The following PRKAG1 variants were observed in gnomAD, a reference collection of about 807,000 sequenced individuals.
The protein encoded by PRKAG1 is protein kinase AMP-activated non-catalytic subunit gamma 1.
In PRKAG1, 27 loss-of-function variants were observed where a neutral mutation model predicts 48.2. The observed-to-expected ratio is 0.56, with a 90% CI of 0.41 to 0.77. PRKAG1 has a LOEUF of 0.77. PRKAG1 is among the 30% of genes least tolerant of loss of function. The pLI is 0.00. For missense variants in PRKAG1, 287 were observed against 398.3 expected, an observed-to-expected ratio of 0.72 and a Z score of 2.38; for synonymous variants, 130 against 147.7, an observed-to-expected ratio of 0.88 and a Z score of 0.87.
chr12:49,008,328 TCAC>T (rs1941626517), intron 2 of PRKAG1: 1 of 152,152 alleles, frequency 6.6e-6, no homozygotes, highest in African/African-American at 2.4e-5. Context: ...CCCAAATGCT[TCAC>T]CAACTATTTA....
In PRKAG1 at chr12:49,005,862, G is replaced by A. The variant is rs1004037978; in HGVS notation, c.59-10C>T. 3.9e-6 allele frequency: 6 copies of A among 1,557,686 alleles called. No individual in the cohort carries two copies. The highest frequency in any genetic ancestry group is 5.2e-6 in the Non-Finnish European group (6 of 1,149,826). On this transcript the variant is annotated splice_polypyrimidine_tract_variant and intron_variant, in intron 2 of 11. Transcript: ENST00000548065. This position sits in a 1 kb window ranked among gnomAD's most constrained non-coding sequence, Gnocchi z 4.1. ...TTGGATTCTGGGGTCTCTGCATAGG[G>A]TGGGATAGTTAGTAGCTTCCTTCCA...
At chr12:49,006,280 T>C (rs1941531617) in intron 2 of PRKAG1, among the ~76,000 whole-genome samples, 1 of 152,178 alleles carries the variant, frequency 6.6e-6, no homozygotes, top group African/African-American at 2.4e-5. Flanking sequence ...GGCAAGCACC[T>C]GTAATCCCAG....
intron 7 of PRKAG1, 130 bp from the exon 8 acceptor site, chr12:49,004,763 T>A: frequency 7.0e-7 from 1 of 1,430,374 alleles, no homozygotes; most frequent in Non-Finnish European, 9.6e-7. Flanking sequence ...AGGCCAGACT[T>A]AAAGAGAAAG....
At chr12:49,013,165 A>G (rs552255532) in intron 1 of PRKAG1, 55 bp from the exon 2 acceptor site, 1 of 1,485,390 alleles carries the variant, frequency 6.7e-7, no homozygotes, top group East Asian at 2.3e-5. Context: ...ATTTTAGCCT[A>G]GCAACATTAG....
chr12:49,018,518 G>C (rs1942099000), intron 1 of PRKAG1: 6 of 1,426,706 alleles, frequency 4.2e-6, no homozygotes, highest in Non-Finnish European at 1.8e-6. Flanking sequence ...TAAGGGTACC[G>C]CGTACGGAAA....
intron 1 of PRKAG1, 90 bp from the exon 2 acceptor site, chr12:49,013,200 G>T: frequency 2.5e-6 from 3 of 1,223,022 alleles, no homozygotes; most frequent in Non-Finnish European, 3.6e-6. Flanking sequence ...AACAAATAAT[G>T]ACTTTCTTTA....
At chr12:49,013,486 T>G (rs373815948) in intron 1 of PRKAG1, among the ~76,000 whole-genome samples, 15 of 152,180 alleles carry the variant, frequency 9.9e-5, no homozygotes, top group East Asian at 7.7e-4. Flanking sequence ...CTCAAGTGAT[T>G]GCCCTCCTTG....
chr12:49,002,584 T>A lies in PRKAG1; in HGVS notation c.*315A>T, dbSNP rs916616072. The stretch of plus-strand genomic sequence containing the variant: ...GGCAGAGGCAAGTGAGGTCTGGGGA[T>A]CTCTTAGAGATCAGAATTTGTCTGA... On this transcript the variant is annotated 3_prime_UTR_variant, in exon 12 of 12. Transcript: ENST00000548065. 2 of 439,040 alleles carry A rather than the reference T, an allele frequency of 4.6e-6. No individual in the cohort carries two copies. The highest frequency in any genetic ancestry group is 4.0e-5 in the African/African-American group (2 of 49,826). The allele number at this position is 439,040 out of a possible 1,614,324, so 27.2% of individuals were successfully genotyped here.
Position 49,003,785 on chromosome 12 carries a change from G to A in PRKAG1, c.675C>T (p.Val225=), listed in dbSNP as rs764613861. 43 of 1,613,626 alleles carry A rather than the reference G, an allele frequency of 2.7e-5. 1 individual carries two copies. The East Asian group carries it at 4.2e-4, about 16-fold the overall frequency. ...VALGIFVQHR[V]SALPVVDEKG... is the part of the protein sequence containing the mutation. ...TCTCATCCACCACTGGCAGGGCTGA[G>A]ACTCGATGCTGTACAAAAATCCCCA... The change falls in exon 9 of 12, where the codon GTC becomes GTT. Residue 225 remains valine, a synonymous_variant. Coordinates refer to ENST00000548065, the MANE Select transcript of PRKAG1 (RefSeq NM_002733.5).
At chr12:49,007,245 C>T (rs978206654) in intron 2 of PRKAG1, among the ~76,000 whole-genome samples, 5 of 150,384 alleles carry the variant, frequency 3.3e-5, no homozygotes, top group African/African-American at 1.2e-4. Context: ...CGAGATTGTG[C>T]CTCTGCACTC....
rs112261714 is a variant in PRKAG1 at position 49,006,692 on chromosome 12, G to C, written c.59-840C>G. Among the ~76,000 whole-genome samples, 486 of 152,352 alleles carry C rather than the reference G, an allele frequency of 3.2e-3. 4 individuals are homozygous for C. Among genetic ancestry groups the C allele is most frequent in the African/African-American group, 0.011 (449 of 41,578 alleles). ...CACTTAAAAATATTACATTGAGGCT[G>C]GGCGTGGTGGCTCATGCCTGTAATC... On this transcript the variant is annotated intron_variant, in intron 2 of 11. Coordinates refer to ENST00000548065, the MANE Select transcript of PRKAG1 (RefSeq NM_002733.5).
rs199654384 is a variant in PRKAG1 at position 49,002,871 on chromosome 12, C to A, written c.*28G>T. On this transcript the variant is annotated 3_prime_UTR_variant, in exon 12 of 12. Transcript: ENST00000548065. Reference sequence around the variant, plus strand: ...GCAGGCAGTGAGTTGGGCATATCCCCTGGTGCTGCATGACCCCTTCCCCCA... The same window carrying A: ...GCAGGCAGTGAGTTGGGCATATCCCATGGTGCTGCATGACCCCTTCCCCCA... 1.3e-6 allele frequency: 2 copies of A among 1,589,274 alleles called. No individual in the cohort carries two copies. Among genetic ancestry groups the A allele is most frequent in the Non-Finnish European group, 1.7e-6 (2 of 1,158,348 alleles).
Position 49,002,973 on chromosome 12 carries a change from C to G in PRKAG1, c.922G>C (p.Val308Leu), listed in dbSNP as rs1355024567. 6.2e-7 allele frequency: 1 copy of G among 1,614,098 alleles called. No individual in the cohort carries two copies. The highest frequency in any genetic ancestry group is 8.5e-7 in the Non-Finnish European group (1 of 1,180,042). The change falls in exon 12 of 12, where the codon GTG becomes CTG. Residue 308 changes from valine to leucine, a missense_variant. Physicochemically the swap from Val to Leu is conservative, Grantham distance 32. Transcript: ENST00000548065. ...GACAGTGATACAATTCCCTTGACCA[C>G]ATCATTTTCATCCACCACTACAAGT... ...HRLVVVDEND[V>L]VKGIVSLSDI...
rs1214228425 is a variant in PRKAG1, at chr12:49,013,084, A to T, written c.36T>A (p.Ala12=). Reference sequence around the variant, plus strand: ...TACCTTGAGGATGCTCATTTTCCACAGCTGGGGAGCTATCTGAAGAAATGA... The same window carrying T: ...TACCTTGAGGATGCTCATTTTCCACTGCTGGGGAGCTATCTGAAGAAATGA... ...ETVISSDSSP[A]VENEHPQETP... Residue 12 remains alanine (A), a synonymous_variant, in exon 2 of 12, where the codon GCT becomes GCA. Coordinates refer to ENST00000548065, the MANE Select transcript of PRKAG1 (RefSeq NM_002733.5). 2 of 1,613,838 alleles carry T rather than the reference A, an allele frequency of 1.2e-6. No homozygotes were observed. Among genetic ancestry groups the T allele is most frequent in the Non-Finnish European group, 1.7e-6 (2 of 1,179,696 alleles).
chr12:49,017,495 AG>A, intron 1 of PRKAG1: 3 of 263,350 alleles, frequency 1.1e-5, no homozygotes, highest in South Asian at 3.4e-5. Context: ...TACAGGCGTG[AG>A]CCACCACACC....
Position 49,004,642 on chromosome 12 carries a change from G to A in PRKAG1, c.411-9C>T. On this transcript the variant is annotated splice_polypyrimidine_tract_variant and intron_variant, in intron 7 of 11. Coordinates refer to ENST00000548065, the MANE Select transcript of PRKAG1 (RefSeq NM_002733.5). The stretch of plus-strand genomic sequence containing the variant: ...AGACAGCATCAAACAAGCTGTGAGA[G>A]GGTGGGAGATAATAAGTTCCACAGT... The A allele has an allele frequency of 6.2e-7, 1 of 1,613,958 alleles. No individual in the cohort carries two copies. The highest frequency in any genetic ancestry group is 8.5e-7 in the Non-Finnish European group (1 of 1,179,994).
chr12:49,003,351 C>G, intron 10 of PRKAG1, 61 bp from the exon 11 acceptor site: 3 of 1,602,488 alleles, frequency 1.9e-6, no homozygotes, highest in South Asian at 1.1e-5. Flanking sequence ...AAACCCTGAA[C>G]CCATCCAACC....
intron 1 of PRKAG1, 44 bp downstream of exon 1, chr12:49,018,688 C>A (rs1400847717): frequency 6.2e-7 from 1 of 1,613,458 alleles, no homozygotes; most frequent in African/African-American, 1.3e-5. Context: ...GGGGGGGTGT[C>A]TTAGGCTCCA....
Position 49,005,515 on chromosome 12 carries a change from G to A in PRKAG1, c.197C>T (p.Thr66Ile), listed in dbSNP as rs1348192124. ...TAAAGGGGCAGCTCGTACACCGTTA[G>A]TCACCAAAGCAAAAAAAGCTTTCTT... ...QVKKAFFALV[T>I]NGVRAAPLWD... Residue 66 changes from threonine (T) to isoleucine (I), a missense_variant, in exon 4 of 12, where the codon ACT becomes ATT. By Grantham distance (89) the Thr-to-Ile change is moderately conservative. Around this residue, in one of 2 missense-constraint regions of PRKAG1, gnomAD observed 224 missense variants for 344.3 expected, o/e 0.65. Coordinates refer to ENST00000548065, the MANE Select transcript of PRKAG1 (RefSeq NM_002733.5). This position sits in a 1 kb window ranked among gnomAD's most constrained non-coding sequence, Gnocchi z 4.1. The A allele has an allele frequency of 3.1e-6, 5 of 1,614,156 alleles. No individual in the cohort carries two copies. The highest frequency in any genetic ancestry group is 3.4e-6 in the Non-Finnish European group (4 of 1,180,032).
Sources: allele counts gnomAD v4.1 joint callset (sites outside exome capture counted in the v4.1 genomes callset), GRCh38; gene constraint gnomAD v4.1.1; regional missense constraint gnomAD v4.1.1; non-coding constraint Gnocchi (gnomAD v3.1); transcripts MANE v1.5; gene names NCBI Gene and HGNC (gene_info 2026-07-23, HGNC 2026-07-21).